The following SLC1A2 variants were observed in gnomAD, a reference collection of about 807,000 sequenced individuals.
SLC1A2 encodes excitatory amino acid transporter 2.
A neutral mutation model predicts 48.8 loss-of-function variants in SLC1A2; 15 were observed. The observed-to-expected ratio is 0.31, with a 90% confidence interval of 0.21 to 0.47. SLC1A2 has a LOEUF of 0.47. Ranked by LOEUF, SLC1A2 falls within the 20% of genes least tolerant of loss-of-function variation. The pLI is 0.99. For missense variants in SLC1A2, 502 were observed against 730.5 expected (o/e 0.69, Z 3.61); for synonymous variants, 279 against 272.6 (o/e 1.02, Z -0.23).
chr11:35,315,008 G>A lies in SLC1A2; in HGVS notation c.310+15C>T. On this transcript the variant is annotated intron_variant, in intron 3 of 10. Transcript: ENST00000278379. ...TATGACCCATGTTAGCCAGGCACTA[G>A]TGAGGTAGTCTTACCTGTGATTAAG... 1 of 1,603,578 alleles carries A rather than the reference G, an allele frequency of 6.2e-7. No homozygotes were observed. Among genetic ancestry groups the A allele is most frequent in the Non-Finnish European group, 8.5e-7 (1 of 1,170,596 alleles).
At chr11:35,382,954 C>T (rs868724321) in intron 1 of SLC1A2, among the ~76,000 whole-genome samples, 9 of 152,052 alleles carry the variant, frequency 5.9e-5, no homozygotes, top group East Asian at 1.9e-4. Flanking sequence ...CCTACCTGCA[C>T]GCTCCAAAAG....
At chr11:35,263,090 C>T (rs192829203) in intron 10 of SLC1A2, among the ~76,000 whole-genome samples, 34 of 152,318 alleles carry the variant, frequency 2.2e-4, no homozygotes, top group Non-Finnish European at 4.1e-4. Flanking sequence ...GGGGACAAAG[C>T]CTTACTCCTA....
chr11:35,393,963 T>A (rs115947065), intron 1 of SLC1A2, among the ~76,000 whole-genome samples: 6,983 of 152,036 alleles, frequency 0.046, 518 homozygotes, highest in African/African-American at 0.16. Context: ...CCCTTGAAGC[T>A]CTTCTGTAAC....
chr11:35,363,769 G>A (rs1803638836), intron 1 of SLC1A2, among the ~76,000 whole-genome samples: 1 of 152,182 alleles, frequency 6.6e-6, no homozygotes, highest in Non-Finnish European at 1.5e-5. Flanking sequence ...AAGAAAGAAG[G>A]AAGAAAATGA....
chr11:35,312,296 G>T lies in SLC1A2; in HGVS notation c.463C>A (p.Pro155Thr), dbSNP rs756797732. 1 of 1,613,964 alleles carries T rather than the reference G, an allele frequency of 6.2e-7. No homozygotes were observed. Among genetic ancestry groups the T allele is most frequent in the Admixed American group, 1.7e-5 (1 of 60,000 alleles). The change falls in exon 4 of 11, where the codon CCT becomes ACT. Residue 155 changes from proline to threonine, a missense_variant. Around this residue, in one of 4 missense-constraint regions of SLC1A2, gnomAD observed 309 missense variants for 480.3 expected, o/e 0.64. Coordinates refer to ENST00000278379, the MANE Select transcript of SLC1A2 (RefSeq NM_004171.4). ...GNPKLKKQLG[P>T]GKKNDEVSSL... is the part of the protein sequence containing the mutation. Reference sequence around the variant, plus strand: ...GACACTTCATCATTCTTCTTCCCAGGCCCCAGCTGCTTCTTGAGCTTGGGA... The same window carrying T: ...GACACTTCATCATTCTTCTTCCCAGTCCCCAGCTGCTTCTTGAGCTTGGGA...
At chr11:35,304,382 GA>G (rs1241715270) in intron 5 of SLC1A2, among the ~76,000 whole-genome samples, 1 of 152,128 alleles carries the variant, frequency 6.6e-6, no homozygotes. Context: ...TGACCCACCA[GA>G]AAAGACCATG....
chr11:35,347,243 G>A (rs562024604), intron 1 of SLC1A2, among the ~76,000 whole-genome samples: 1 of 152,322 alleles, frequency 6.6e-6, no homozygotes, highest in South Asian at 2.1e-4. Flanking sequence ...GAAGAAGTGC[G>A]AAGGAGCAAT....
At chr11:35,308,968 C>CACTGAG (rs1851598878) in intron 4 of SLC1A2, among the ~76,000 whole-genome samples, 1 of 152,188 alleles carries the variant, frequency 6.6e-6, no homozygotes, top group Non-Finnish European at 1.5e-5. Context: ...CCTTCCTCCA[C>CACTGAG]TCACTATACC....
At chr11:35,382,895 A>G (rs747182725) in intron 1 of SLC1A2, among the ~76,000 whole-genome samples, 20 of 152,304 alleles carry the variant, frequency 1.3e-4, no homozygotes, top group Middle Eastern at 3.4e-3. Flanking sequence ...GAGTGAAAAA[A>G]GCTTAAATGT....
chr11:35,420,036 C>A (rs1432958141), upstream of SLC1A2: 2 of 402,892 alleles, frequency 5.0e-6, no homozygotes, highest in Non-Finnish European at 1.0e-5. Context: ...CTCCCTCCCC[C>A]GCCGAAGCTC....
intron 1 of SLC1A2, among the ~76,000 whole-genome samples, chr11:35,343,420 C>A (rs1852915034): frequency 6.6e-6 from 1 of 152,190 alleles, no homozygotes; most frequent in Non-Finnish European, 1.5e-5. Context: ...AAATCTTCAC[C>A]TTTTTCCAGG....
intron 1 of SLC1A2, 113 bp downstream of exon 1, chr11:35,418,837 C>A: frequency 1.1e-6 from 1 of 917,466 alleles, no homozygotes; most frequent in Non-Finnish European, 1.7e-6. Context: ...TACGGCTCCG[C>A]CACCACCTCC....
At chr11:35,387,969 A>T (rs1008320911) in intron 1 of SLC1A2, among the ~76,000 whole-genome samples, 3 of 152,272 alleles carry the variant, frequency 2.0e-5, no homozygotes, top group African/African-American at 4.8e-5. Context: ...TCGTTACTAC[A>T]ACCTTATGAG....
At chr11:35,324,835 A>G (rs1280227016) in intron 1 of SLC1A2, among the ~76,000 whole-genome samples, 2 of 152,158 alleles carry the variant, frequency 1.3e-5, no homozygotes, top group East Asian at 1.9e-4. Context: ...AAATTTGCTT[A>G]TTTCCAGATA....
In SLC1A2 at chr11:35,286,876, G is replaced by C. The variant is rs748114873; in HGVS notation, c.1167C>G (p.Val389=). The C allele has an allele frequency of 3.7e-6, 6 of 1,614,094 alleles. No individual in the cohort carries two copies. Among genetic ancestry groups the C allele is most frequent in the Non-Finnish European group, 4.2e-6 (5 of 1,179,964 alleles). The change falls in exon 8 of 11, where the codon GTC becomes GTG. Residue 389 remains valine (V), a synonymous_variant. Transcript: ENST00000278379. ...TGTTAATGGTTGCTCCAACAGGAAG[G>C]ACGAATCTAGTCACACGCTTATCAA... ...LGIDKRVTRF[V]LPVGATINMD...
intron 9 of SLC1A2, among the ~76,000 whole-genome samples, chr11:35,271,870 A>T (rs183068549): frequency 1.3e-5 from 2 of 152,320 alleles, no homozygotes; most frequent in Middle Eastern, 6.8e-3. Flanking sequence ...TGGTTTTAAC[A>T]ACAAAGAGGT....
intron 1 of SLC1A2, among the ~76,000 whole-genome samples, chr11:35,387,693 G>A (rs1019815135): frequency 3.9e-5 from 6 of 151,922 alleles, no homozygotes; most frequent in Admixed American, 6.6e-5. Context: ...GATATGAATG[G>A]GTAGGGAAAC....
At chr11:35,275,802 C>T (rs1179122108) in intron 9 of SLC1A2, among the ~76,000 whole-genome samples, 2 of 152,252 alleles carry the variant, frequency 1.3e-5, no homozygotes, top group South Asian at 2.1e-4. Context: ...TTCTTTTTCT[C>T]TGCTTTTCCT....
intron 1 of SLC1A2, among the ~76,000 whole-genome samples, chr11:35,417,152 C>A (rs1855634995): frequency 6.6e-6 from 1 of 152,232 alleles, no homozygotes; most frequent in South Asian, 2.1e-4. Flanking sequence ...ATAAGTTCCT[C>A]TGATGAATCT....
Sources: gnomAD v4.1 joint callset for allele counts (sites outside exome capture counted in the v4.1 genomes callset) on GRCh38, gnomAD v4.1.1 for gene constraint, gnomAD v4.1.1 regional missense constraint, MANE v1.5 for transcripts, NCBI Gene and HGNC (gene_info 2026-07-23, HGNC 2026-07-21) for gene names.